HYCC2: variants seen among roughly 807,000 people sequenced by gnomAD.
The protein encoded by HYCC2 is hyccin PI4KA lipid kinase complex subunit 2, also known as hyccin 2.
the HYCC2 span, among the ~76,000 whole-genome samples, chr2:201,007,032 T>C: frequency 2.6e-5 from 4 of 152,208 alleles, no homozygotes; most frequent in African/African-American, 9.6e-5. Context: ...AGTTATTTCT[T>C]TAAATCTATC....
the HYCC2 span, among the ~76,000 whole-genome samples, chr2:201,029,866 A>C: frequency 1.1e-4 from 17 of 152,210 alleles, no homozygotes; most frequent in African/African-American, 4.1e-4. Flanking sequence ...CCAACATGGC[A>C]CATGTATACC....
At chr2:201,057,726 GA>G in the HYCC2 span, among the ~76,000 whole-genome samples, 10 of 145,440 alleles carry the variant, frequency 6.9e-5, no homozygotes, top group East Asian at 2.0e-4. Context: ...AGGAAAGAAG[GA>G]AAAAAAAAAA....
At chr2:201,042,766 C>T in the HYCC2 span, among the ~76,000 whole-genome samples, 4 of 151,328 alleles carry the variant, frequency 2.6e-5, no homozygotes, top group South Asian at 6.2e-4. Context: ...CCCGCCGCCC[C>T]GTCTGGGAGG....
chr2:201,042,005 G>T, the HYCC2 span, among the ~76,000 whole-genome samples: 5 of 151,314 alleles, frequency 3.3e-5, no homozygotes, highest in Admixed American at 6.6e-5. Context: ...CTCTGATGCC[G>T]AGCCGAGGCT....
chr2:200,996,850 G>A, the HYCC2 span: 2 of 152,036 alleles, frequency 1.3e-5, no homozygotes, highest in Admixed American at 6.6e-5. Context: ...ATCTCAAAGT[G>A]ATTTACAAAA....
At chr2:201,045,227 T>G in the HYCC2 span, among the ~76,000 whole-genome samples, 1 of 152,174 alleles carries the variant, frequency 6.6e-6, no homozygotes. Flanking sequence ...ACAGCATCGA[T>G]CTAGATGTAG....
the HYCC2 span, chr2:201,011,573 G>T: frequency 1.6e-6 from 1 of 636,504 alleles, no homozygotes; most frequent in Non-Finnish European, 2.5e-6. Context: ...GCAGTAGGAA[G>T]ATTTTTCAGA....
chr2:201,012,143 G>A, the HYCC2 span, among the ~76,000 whole-genome samples: 101 of 152,008 alleles, frequency 6.6e-4, no homozygotes, highest in Non-Finnish European at 1.3e-3. Flanking sequence ...CGCAATAAAC[G>A]AATGACCTGA....
At chr2:200,991,338 G>A in the HYCC2 span, among the ~76,000 whole-genome samples, 1 of 152,084 alleles carries the variant, frequency 6.6e-6, no homozygotes. Context: ...GGGAGGCCGA[G>A]GTGGGTGGAT....
At chr2:201,036,004 C>T in the HYCC2 span, among the ~76,000 whole-genome samples, 1 of 152,102 alleles carries the variant, frequency 6.6e-6, no homozygotes, top group African/African-American at 2.4e-5. Context: ...AGGTGTCAGT[C>T]TGTCCCTACT....
At chr2:201,049,889 A>G in the HYCC2 span, among the ~76,000 whole-genome samples, 1 of 152,086 alleles carries the variant, frequency 6.6e-6, no homozygotes, top group African/African-American at 2.4e-5. Flanking sequence ...AAATAGAGAT[A>G]GCGTCTCACC....
the HYCC2 span, among the ~76,000 whole-genome samples, chr2:201,071,251 C>G: frequency 6.6e-6 from 1 of 152,190 alleles, no homozygotes; most frequent in Non-Finnish European, 1.5e-5. Flanking sequence ...TCTTCAATGC[C>G]GTGTCCTTTT....
At chr2:200,987,446 C>T in the HYCC2 span, 43 of 1,289,716 alleles carry the variant, frequency 3.3e-5, no homozygotes, top group Non-Finnish European at 3.8e-5. Context: ...CCCTCTTGCA[C>T]ACGTTTGATC....
chr2:201,068,907 CA>C, the HYCC2 span, among the ~76,000 whole-genome samples: 3 of 151,632 alleles, frequency 2.0e-5, no homozygotes, highest in Non-Finnish European at 4.4e-5. Context: ...TAAAAAGAAG[CA>C]ATTCTGGAAA....
chr2:200,976,750 T>A, the HYCC2 span: 1 of 152,228 alleles, frequency 6.6e-6, no homozygotes, highest in Non-Finnish European at 1.5e-5. Context: ...TGTTCCATTA[T>A]GGAATCATAA....
At chr2:201,029,468 A>T in the HYCC2 span, among the ~76,000 whole-genome samples, 3 of 152,320 alleles carry the variant, frequency 2.0e-5, no homozygotes, top group East Asian at 5.8e-4. Context: ...TACTATAAAG[A>T]CACATGCACA....
At chr2:200,976,166 C>T in the HYCC2 span, 1 of 152,014 alleles carries the variant, frequency 6.6e-6, no homozygotes, top group Non-Finnish European at 1.5e-5. Context: ...AGTGGTAAAA[C>T]GATGACAATA....
the HYCC2 span, among the ~76,000 whole-genome samples, chr2:201,057,618 A>G: frequency 6.6e-6 from 1 of 152,218 alleles, no homozygotes; most frequent in African/African-American, 2.4e-5. Flanking sequence ...AAAAGCACAA[A>G]TAAGCTAGAA....
At chr2:200,997,497 T>C in the HYCC2 span, 40 of 1,613,636 alleles carry the variant, frequency 2.5e-5, no homozygotes, top group East Asian at 8.9e-5. Context: ...ATATATACAA[T>C]AGCAGAATTA....
Sources: gnomAD v4.1 joint callset for allele counts (sites outside exome capture counted in the v4.1 genomes callset) on GRCh38, gnomAD v4.1.1 for gene constraint, MANE v1.5 for transcripts, NCBI Gene and HGNC (gene_info 2026-07-23, HGNC 2026-07-21) for gene names.